Variants in ABCD3 observed in about 807,000 individuals in gnomAD.
ABCD3 encodes the protein ATP binding cassette subfamily D member 3, also known as ATP-binding cassette sub-family D member 3.
A neutral mutation model predicts 105.5 loss-of-function variants in ABCD3; 41 were observed. That is an observed-to-expected ratio of 0.39 (90% CI 0.30 to 0.50). ABCD3 has a LOEUF of 0.50. ABCD3 is among the 20% of genes least tolerant of loss of function. ABCD3 has a pLI of 0.84. For synonymous variants in ABCD3, 258 were observed against 269.0 expected, an observed-to-expected ratio of 0.96 and a Z score of 0.40; for missense variants, 622 against 806.3, an observed-to-expected ratio of 0.77 and a Z score of 2.77.
rs1220080238 is a variant in ABCD3 at position 94,516,946 on chromosome 1, T to C, written c.1903-106T>C. On this transcript the variant is annotated intron_variant, in intron 22 of 22. Transcript: ENST00000370214. The stretch of plus-strand genomic sequence containing the variant: ...TTCTGATTTGTGGGATGCTTATAGA[T>C]TTAGCTCCCTTAAAATAATGAGGAA... 6 of 829,458 alleles carry C rather than the reference T, an allele frequency of 7.2e-6. No homozygotes were observed. The East Asian group carries it at 1.5e-4, about 21-fold the overall frequency. The allele number at this position is 829,458 out of a possible 1,614,324, so 51.4% of individuals were successfully genotyped here.
At chr1:94,455,707 A>G (rs1377434161) in intron 1 of ABCD3, 2 of 533,252 alleles carry the variant, frequency 3.8e-6, no homozygotes, top group Non-Finnish European at 6.7e-6. Context: ...AAGCTTTATA[A>G]GATGTCATGG....
the ABCD3 span, among the ~76,000 whole-genome samples, chr1:94,386,517 A>G: frequency 6.6e-6 from 1 of 152,274 alleles, no homozygotes; most frequent in Non-Finnish European, 1.5e-5. Flanking sequence ...CAGAAATGCA[A>G]AGCTGAACTT....
At chr1:94,389,716 A>G in the ABCD3 span, among the ~76,000 whole-genome samples, 3 of 152,108 alleles carry the variant, frequency 2.0e-5, no homozygotes, top group South Asian at 2.1e-4. Context: ...TAATTCTTCT[A>G]GTGCCCCTGG....
In ABCD3 at chr1:94,518,169, A is replaced by G. The variant is rs1362651308; in HGVS notation, c.*1040A>G. 4 of 152,206 alleles carry G rather than the reference A, an allele frequency of 2.6e-5. No individual in the cohort carries two copies. The highest frequency in any genetic ancestry group is 2.4e-5 in the African/African-American group (1 of 41,402). 9.4% of individuals were successfully genotyped at this position (152,206 alleles called of 1,614,324 possible). ...TGTGAATCTTGAATAACTTTTTTAT[A>G]TTTGGGTTATGATGTCAAACGATCC... On this transcript the variant is annotated 3_prime_UTR_variant, in exon 23 of 23. Transcript: ENST00000370214.
chr1:94,459,819 G>A (rs569496452), intron 2 of ABCD3, among the ~76,000 whole-genome samples: 15 of 152,206 alleles, frequency 9.9e-5, no homozygotes, highest in African/African-American at 3.6e-4. Context: ...TGTCCCTGTT[G>A]ACTTACCTGT....
rs1338306180 is a variant in ABCD3 at position 94,462,148 on chromosome 1, T to C, written c.148-2627T>C. 2.0e-5 allele frequency among the ~76,000 whole-genome samples: 3 copies of C among 152,220 alleles called. No individual in the cohort carries two copies. In the East Asian group the frequency reaches 5.8e-4, roughly 29 times the overall value. ...TAGCTTTTAATGATTTGTTTGCTTT[T>C]TCTATAATGTTCATGTTAAACTTAT... is the stretch of plus-strand genomic sequence containing the variant. On this transcript the variant is annotated intron_variant, in intron 2 of 22. Transcript: ENST00000370214.
intron 8 of ABCD3, among the ~76,000 whole-genome samples, chr1:94,479,261 C>A (rs190494498): frequency 2.2e-4 from 33 of 152,142 alleles, no homozygotes; most frequent in Admixed American, 1.1e-3. Context: ...CTTCTTGTCT[C>A]CTTGCAGTCA....
chr1:94,416,198 A>G (rs1450466576), upstream of ABCD3, among the ~76,000 whole-genome samples: 4 of 152,198 alleles, frequency 2.6e-5, no homozygotes, highest in Non-Finnish European at 5.9e-5. Context: ...CAAGGTTCCC[A>G]ACTCTTTTCT....
Position 94,518,074 on chromosome 1 carries a change from T to A in ABCD3, c.*945T>A, listed in dbSNP as rs984683756. ...ACTGTCTTTGACTGTGATTTTATGTTTAAAAAGTATGTTCTAAAATTATTA... is the reference window on the plus strand; with the variant it reads ...ACTGTCTTTGACTGTGATTTTATGTATAAAAAGTATGTTCTAAAATTATTA... On this transcript the variant is annotated 3_prime_UTR_variant, in exon 23 of 23. Coordinates refer to ENST00000370214, the MANE Select transcript of ABCD3 (RefSeq NM_002858.4). The A allele has an allele frequency of 1.3e-5, 2 of 151,934 alleles. No homozygotes were observed. Among genetic ancestry groups the A allele is most frequent in the African/African-American group, 4.8e-5 (2 of 41,404 alleles). 9.4% of individuals were successfully genotyped at this position (151,934 alleles called of 1,614,324 possible).
intron 22 of ABCD3, among the ~76,000 whole-genome samples, chr1:94,515,524 T>C (rs1174579856): frequency 1.3e-5 from 2 of 151,956 alleles, no homozygotes; most frequent in African/African-American, 4.8e-5. Flanking sequence ...GAAAAAGTCT[T>C]AAGAAGAATT....
At chr1:94,437,179 C>T (rs762272168) in intron 1 of ABCD3, among the ~76,000 whole-genome samples, 21 of 152,156 alleles carry the variant, frequency 1.4e-4, no homozygotes, top group Admixed American at 2.6e-4. Flanking sequence ...CTAAGATAAT[C>T]GATAAAGGTG....
At chr1:94,416,131 T>C (rs907506984), upstream of ABCD3, among the ~76,000 whole-genome samples, 1 of 152,262 alleles carries the variant, frequency 6.6e-6, no homozygotes, top group East Asian at 1.9e-4. Context: ...TTTTGACTAA[T>C]CTTGCTTGTA....
intron 7 of ABCD3, 44 bp downstream of exon 7, chr1:94,475,781 G>T (rs757200244): frequency 6.6e-7 from 1 of 1,512,972 alleles, no homozygotes; most frequent in South Asian, 1.2e-5. Context: ...TTAATTTTTT[G>T]AATTTTGAAT....
At chr1:94,494,618 TA>T (rs908278768) in intron 16 of ABCD3, among the ~76,000 whole-genome samples, 4 of 152,192 alleles carry the variant, frequency 2.6e-5, no homozygotes, top group Non-Finnish European at 5.9e-5. Context: ...GCCCCTCAAA[TA>T]AATCTTTCCT....
chr1:94,410,592 G>A, the ABCD3 span, among the ~76,000 whole-genome samples: 1 of 152,168 alleles, frequency 6.6e-6, no homozygotes, highest in South Asian at 2.1e-4. Context: ...ACAGAGGCTG[G>A]AGGAGAGAGG....
intron 22 of ABCD3, among the ~76,000 whole-genome samples, chr1:94,516,688 G>A (rs531951464): frequency 6.6e-6 from 1 of 151,994 alleles, no homozygotes; most frequent in South Asian, 2.1e-4. Context: ...AAAACAGAAG[G>A]CTTTGTAACT....
chr1:94,506,426 T>A, intron 20 of ABCD3, 112 bp from the exon 21 acceptor site: 1 of 679,990 alleles, frequency 1.5e-6, no homozygotes, highest in East Asian at 2.8e-5. Flanking sequence ...TAGAATAATT[T>A]TTATACTTTT....
At chr1:94,491,135 T>G (rs1294384276) in intron 15 of ABCD3, 49 bp from the exon 16 acceptor site, 1 of 1,328,376 alleles carries the variant, frequency 7.5e-7, no homozygotes, top group South Asian at 1.2e-5. Flanking sequence ...GTTGTATTAG[T>G]TCCTTATATA....
intron 10 of ABCD3, 43 bp downstream of exon 10, chr1:94,483,282 T>A: frequency 6.6e-7 from 1 of 1,511,688 alleles, no homozygotes. Flanking sequence ...TGGAAAGGGT[T>A]TTTTTTGTTT....
Sources: gnomAD v4.1 joint callset for allele counts (sites outside exome capture counted in the v4.1 genomes callset) on GRCh38, gnomAD v4.1.1 for gene constraint, MANE v1.5 for transcripts, NCBI Gene and HGNC (gene_info 2026-07-23, HGNC 2026-07-21) for gene names.